The following NIPBL variants were observed in gnomAD, a reference collection of about 807,000 sequenced individuals.
NIPBL encodes NIPBL cohesin loading factor.
Under a neutral mutation model 321.8 loss-of-function variants are expected in NIPBL, and 19 were observed. That is an observed-to-expected ratio of 0.06 (90% CI 0.04 to 0.09). The LOEUF (loss-of-function observed/expected upper bound fraction) is 0.09, where lower values mean the gene tolerates loss of function less well. NIPBL is among the 10% of genes least tolerant of loss of function. NIPBL has a pLI of 1.00. For synonymous variants in NIPBL, 1,106 were observed against 1,114.1 expected, an observed-to-expected ratio of 0.99 and a Z score of 0.14; for missense variants, 2,210 against 3,327.0, an observed-to-expected ratio of 0.66 and a Z score of 8.26.
At chr5:36,937,401 G>A (rs1416179204) in intron 1 of NIPBL, among the ~76,000 whole-genome samples, 1 of 152,088 alleles carries the variant, frequency 6.6e-6, no homozygotes, top group African/African-American at 2.4e-5. Flanking sequence ...CTGACTAAAG[G>A]TTGGCATTCT....
At chr5:36,895,257 G>A (rs1490118748) in intron 1 of NIPBL, among the ~76,000 whole-genome samples, 1 of 152,060 alleles carries the variant, frequency 6.6e-6, no homozygotes, top group Non-Finnish European at 1.5e-5. Context: ...TTTGTGTCTG[G>A]CTTCTTTTAA....
intron 1 of NIPBL, among the ~76,000 whole-genome samples, chr5:36,919,010 G>C (rs1748707083): frequency 6.6e-6 from 1 of 152,020 alleles, no homozygotes; most frequent in South Asian, 2.1e-4. Context: ...TCTCTGCCAG[G>C]CTTTGGTATC....
In NIPBL at chr5:36,886,021, G is replaced by A. The variant is rs1472108186; in HGVS notation, c.-80+8843G>A. The A allele has an allele frequency of 1.1e-5, 8 of 716,652 alleles. No homozygotes were observed. In the East Asian group the frequency reaches 2.1e-4, roughly 19 times the overall value. 44.4% of individuals were successfully genotyped at this position (716,652 alleles called of 1,614,324 possible). ...AGGAGCTAGACAAGTACTGGTCTCA[G>A]CAGATTGAGGAGAGCACCACAGTGG... On this transcript the variant is annotated intron_variant, in intron 1 of 46. Coordinates refer to ENST00000282516, the MANE Select transcript of NIPBL (RefSeq NM_133433.4).
chr5:36,912,446 A>G (rs1036719064), intron 1 of NIPBL, among the ~76,000 whole-genome samples: 3 of 151,994 alleles, frequency 2.0e-5, no homozygotes, highest in Admixed American at 1.3e-4. Flanking sequence ...AATCATCAGC[A>G]TATAGATTCA....
chr5:37,015,412 C>CTGCG (rs2149689701), intron 22 of NIPBL, among the ~76,000 whole-genome samples: 1 of 152,304 alleles, frequency 6.6e-6, no homozygotes, highest in Admixed American at 6.5e-5. Flanking sequence ...GCGTGAGCCA[C>CTGCG]TGCGCCCAGC....
chr5:36,895,016 G>A (rs1419814512), intron 1 of NIPBL, among the ~76,000 whole-genome samples: 1 of 152,110 alleles, frequency 6.6e-6, no homozygotes, highest in Non-Finnish European at 1.5e-5. Flanking sequence ...CTTATAAACT[G>A]TAAAATTCAC....
rs1378906171 is a variant in NIPBL, at chr5:37,064,508, C to T, written c.8050-19C>T. On this transcript the variant is annotated intron_variant, in intron 46 of 46. Coordinates refer to ENST00000282516, the MANE Select transcript of NIPBL (RefSeq NM_133433.4). ...TTTGTGTAACACTTGGTCTTTTTTC[C>T]CCCCTCCCAATGTTTTAGTCATTGA... 2 of 1,609,374 alleles carry T rather than the reference C, an allele frequency of 1.2e-6. No individual in the cohort carries two copies. Among genetic ancestry groups the T allele is most frequent in the Non-Finnish European group, 1.7e-6 (2 of 1,179,916 alleles).
chr5:36,969,065 A>G (rs960834880), intron 6 of NIPBL, among the ~76,000 whole-genome samples: 4 of 152,372 alleles, frequency 2.6e-5, no homozygotes, highest in Admixed American at 2.6e-4. Context: ...TTAACAGTTT[A>G]AAAGAGCACC....
At chr5:36,966,235 T>TAC (rs1317048388) in intron 6 of NIPBL, among the ~76,000 whole-genome samples, 2 of 152,244 alleles carry the variant, frequency 1.3e-5, no homozygotes, top group East Asian at 3.9e-4. Context: ...AAAGCAATCT[T>TAC]ACACCTTTTT....
At chr5:36,975,460 A>G (rs1438599562) in intron 8 of NIPBL, among the ~76,000 whole-genome samples, 1 of 152,168 alleles carries the variant, frequency 6.6e-6, no homozygotes, top group Non-Finnish European at 1.5e-5. Flanking sequence ...TTTAGAAGCA[A>G]TGAACTTTTT....
chr5:37,021,906 C>A, intron 27 of NIPBL, 145 bp from the exon 28 acceptor site: 1 of 693,792 alleles, frequency 1.4e-6, no homozygotes, highest in Non-Finnish European at 2.5e-6. Context: ...AACTTTGAAT[C>A]ATTAGGAAAG....
intron 17 of NIPBL, among the ~76,000 whole-genome samples, chr5:37,007,045 C>A (rs1462846949): frequency 6.6e-6 from 1 of 151,814 alleles, no homozygotes. Context: ...GAAATATAAT[C>A]TTACTATCCT....
chr5:37,027,180 T>G (rs1750378973), intron 31 of NIPBL, among the ~76,000 whole-genome samples, 179 bp from the exon 32 acceptor site: 1 of 152,212 alleles, frequency 6.6e-6, no homozygotes, highest in Non-Finnish European at 1.5e-5. Flanking sequence ...AAGATATTTT[T>G]TAGAATAAAG....
At chr5:36,882,813 G>C (rs1745605529) in intron 1 of NIPBL, among the ~76,000 whole-genome samples, 1 of 151,674 alleles carries the variant, frequency 6.6e-6, no homozygotes, top group African/African-American at 2.4e-5. Context: ...TTCTTGTGGA[G>C]CTTACAAGAG....
intron 10 of NIPBL, among the ~76,000 whole-genome samples, chr5:36,988,500 T>C (rs909581737): frequency 1.1e-4 from 17 of 152,094 alleles, no homozygotes; most frequent in African/African-American, 3.9e-4. Flanking sequence ...AGGATCCATA[T>C]CTTTTTTTTT....
intron 42 of NIPBL, among the ~76,000 whole-genome samples, chr5:37,055,001 G>A: frequency 6.6e-6 from 1 of 152,056 alleles, no homozygotes; most frequent in African/African-American, 2.4e-5. Flanking sequence ...TTAGCATTGT[G>A]GTCACACTGG....
chr5:37,052,456 G>T lies in NIPBL; in HGVS notation c.7153G>T (p.Asp2385Tyr). 6.2e-7 allele frequency: 1 copy of T among 1,614,082 alleles called. No homozygotes were observed. Among genetic ancestry groups the T allele is most frequent in the Non-Finnish European group, 8.5e-7 (1 of 1,180,004 alleles). ...LKDPVRGFRQ[D>Y]ESSSALCSHL... ...AGATCCTGTAAGGGGTTTCAGACAA[G>T]ACGAGTCCTCTAGCGCTTTGTGTTC... The change falls in exon 42 of 47, where the codon GAC (aspartate) becomes TAC (tyrosine). Residue 2385 changes from aspartate to tyrosine, a missense_variant. Physicochemically the swap from Asp to Tyr is radical, Grantham distance 160. Around this residue, in one of 14 missense-constraint regions of NIPBL, gnomAD observed 112 missense variants for 288.3 expected, o/e 0.39. Coordinates refer to ENST00000282516, the MANE Select transcript of NIPBL (RefSeq NM_133433.4).
At chr5:36,878,774 T>C (rs1745286706) in intron 1 of NIPBL, among the ~76,000 whole-genome samples, 1 of 152,210 alleles carries the variant, frequency 6.6e-6, no homozygotes, top group Non-Finnish European at 1.5e-5. Flanking sequence ...ATGTTTTTAA[T>C]GCTATAAATC....
chr5:36,919,109 C>G (rs1279972627), intron 1 of NIPBL, among the ~76,000 whole-genome samples: 1 of 152,018 alleles, frequency 6.6e-6, no homozygotes, highest in East Asian at 1.9e-4. Flanking sequence ...GGTACCAGCT[C>G]CTCCTTGTAC....
Sources: allele counts gnomAD v4.1 joint callset (sites outside exome capture counted in the v4.1 genomes callset), GRCh38; gene constraint gnomAD v4.1.1; regional missense constraint gnomAD v4.1.1; transcripts MANE v1.5; gene names NCBI Gene and HGNC (gene_info 2026-07-23, HGNC 2026-07-21).